UBQLN1: variants seen among roughly 807,000 people sequenced by gnomAD.
UBQLN1 encodes ubiquilin 1.
UBQLN1 carries 13 observed loss-of-function variants against 65.4 expected under a neutral mutation model. The ratio of observed to expected loss-of-function variants is 0.20; its 90% confidence interval spans 0.13 to 0.32. UBQLN1 has a LOEUF of 0.32. Among genes scored for constraint, UBQLN1 ranks in the 10% least tolerant of loss-of-function variants. The probability of loss-of-function intolerance (pLI) is 1.00; values close to 1 mark genes in which losing one functional copy is unlikely to be tolerated. For synonymous variants in UBQLN1, 267 were observed against 247.8 expected, an observed-to-expected ratio of 1.08 and a Z score of -0.73; for missense variants, 561 against 724.0, an observed-to-expected ratio of 0.77 and a Z score of 2.58.
chr9:83,696,468 A>T (rs181782452), intron 1 of UBQLN1, among the ~76,000 whole-genome samples: 398 of 151,250 alleles, frequency 2.6e-3, no homozygotes, highest in African/African-American at 8.4e-3. Context: ...AAAAAATTTT[A>T]AAAAAAAACC....
At chr9:83,702,275 GAACTGTA>G (rs1564174203) in intron 1 of UBQLN1, among the ~76,000 whole-genome samples, 1 of 152,124 alleles carries the variant, frequency 6.6e-6, no homozygotes, top group Non-Finnish European at 1.5e-5. Flanking sequence ...TTAAAATGGT[GAACTGTA>G]TGGTAGGCAA....
Position 83,665,083 on chromosome 9 carries a change from C to T in UBQLN1, c.1395G>A (p.Gln465=). The change falls in exon 9 of 11, where the codon CAG becomes CAA. Residue 465 remains glutamine, a synonymous_variant. Coordinates refer to ENST00000376395, the MANE Select transcript of UBQLN1 (RefSeq NM_013438.5). ...SNPRAMQALL[Q]IQQGLQTLAT... is the part of the protein sequence containing the mutation. ...CTAATGTCTGTAAACCCTGCTGAAT[C>T]TGTAACAAGGCCTGCATTGCTCTAG... 1.9e-6 allele frequency: 3 copies of T among 1,614,018 alleles called. No homozygotes were observed. The highest frequency in any genetic ancestry group is 2.5e-6 in the Non-Finnish European group (3 of 1,179,972).
chr9:83,673,445 T>C (rs1445291868), intron 6 of UBQLN1, among the ~76,000 whole-genome samples: 2 of 149,458 alleles, frequency 1.3e-5, no homozygotes, highest in Middle Eastern at 3.5e-3. Context: ...CTCAGGAGGC[T>C]GAGGCACGAG....
In UBQLN1 at chr9:83,707,648, G is replaced by C; in HGVS notation, c.32C>G (p.Pro11Arg). 1.3e-6 allele frequency: 2 copies of C among 1,565,106 alleles called. No individual in the cohort carries two copies. The highest frequency in any genetic ancestry group is 2.4e-5 in the East Asian group (1 of 42,376). ...TCCGGCGGCGCTATCCTGGGAGCCC[G>C]GAGGACCGCCGCTTTCACCACTCTC... is the stretch of plus-strand genomic sequence containing the variant. MAESGESGGP[P>R]GSQDSAAGAE... Residue 11 changes from proline (P) to arginine (R), a missense_variant, in exon 1 of 11, where the codon CCG becomes CGG. Pro to Arg is a moderately radical substitution (Grantham distance 103, BLOSUM62 -2). This residue lies in a region of UBQLN1 where 101 missense variants were observed against 104.9 expected (regional missense o/e 0.96). Transcript: ENST00000376395.
intron 1 of UBQLN1, among the ~76,000 whole-genome samples, chr9:83,696,901 G>A (rs976932212): frequency 2.0e-5 from 3 of 152,114 alleles, no homozygotes; most frequent in Non-Finnish European, 4.4e-5. Context: ...ATCTGACATA[G>A]ACTGATGAGT....
intron 10 of UBQLN1, among the ~76,000 whole-genome samples, chr9:83,663,366 G>A (rs1831592374): frequency 6.6e-6 from 1 of 151,970 alleles, no homozygotes. Flanking sequence ...ACATTATTAG[G>A]GGGTCCATAT....
rs369266095 is a variant in UBQLN1 at position 83,670,809 on chromosome 9, G to A, written c.1106-1482C>T. 6.0e-4 allele frequency among the ~76,000 whole-genome samples: 91 copies of A among 152,194 alleles called. 1 individual carries two copies. The highest frequency in any genetic ancestry group is 3.4e-3 in the Middle Eastern group (1 of 294). On this transcript the variant is annotated intron_variant, in intron 6 of 10. Coordinates refer to ENST00000376395, the MANE Select transcript of UBQLN1 (RefSeq NM_013438.5). Reference sequence around the variant, plus strand: ...AAAGTTTATGAAACATTCTGAATTCGTTGTCATTTCAATAATGTTCACAGC... The same window carrying A: ...AAAGTTTATGAAACATTCTGAATTCATTGTCATTTCAATAATGTTCACAGC...
At chr9:83,688,193 A>G (rs916536878) in intron 1 of UBQLN1, among the ~76,000 whole-genome samples, 4 of 152,218 alleles carry the variant, frequency 2.6e-5, no homozygotes, top group African/African-American at 9.7e-5. Flanking sequence ...AGTAGTCAAT[A>G]AATGGTAGCT....
At chr9:83,678,408 T>C in intron 5 of UBQLN1, 33 bp downstream of exon 5, 1 of 1,585,220 alleles carries the variant, frequency 6.3e-7, no homozygotes, top group Non-Finnish European at 8.6e-7. Context: ...CAGAAGCTAC[T>C]CCTTGGCCTG....
intron 6 of UBQLN1, among the ~76,000 whole-genome samples, chr9:83,672,488 T>A (rs376521304): frequency 1.3e-5 from 2 of 152,182 alleles, no homozygotes; most frequent in African/African-American, 4.8e-5. Flanking sequence ...ATTTCAATGT[T>A]GTGTCTCAGA....
intron 1 of UBQLN1, among the ~76,000 whole-genome samples, chr9:83,689,198 T>C (rs1832088041): frequency 6.6e-6 from 1 of 152,258 alleles, no homozygotes; most frequent in South Asian, 2.1e-4. Flanking sequence ...TAGCTTCTTA[T>C]ACTTGGCATG....
chr9:83,664,876 G>A (rs900724381), intron 9 of UBQLN1, among the ~76,000 whole-genome samples, 154 bp downstream of exon 9: 2 of 124,534 alleles, frequency 1.6e-5, no homozygotes, highest in Non-Finnish European at 1.6e-5. Context: ...CCACAACTGC[G>A]CCCCCACACT....
At chr9:83,696,063 T>C (rs1832209947) in intron 1 of UBQLN1, among the ~76,000 whole-genome samples, 1 of 152,086 alleles carries the variant, frequency 6.6e-6, no homozygotes, top group East Asian at 1.9e-4. Context: ...CCTCAGCCTC[T>C]CCAGTAGCTG....
At chr9:83,706,713 T>C (rs1172183447) in intron 1 of UBQLN1, among the ~76,000 whole-genome samples, 2 of 152,222 alleles carry the variant, frequency 1.3e-5, no homozygotes, top group East Asian at 1.9e-4. Context: ...GTTTAAGTAA[T>C]ATTCTGCATT....
chr9:83,672,090 G>T (rs982801205), intron 6 of UBQLN1, among the ~76,000 whole-genome samples: 3 of 152,184 alleles, frequency 2.0e-5, no homozygotes, highest in Non-Finnish European at 4.4e-5. Context: ...TTCTTCTGCA[G>T]ATTCCTTACC....
intron 6 of UBQLN1, among the ~76,000 whole-genome samples, chr9:83,674,443 C>G (rs1831795267): frequency 6.6e-6 from 1 of 152,112 alleles, no homozygotes; most frequent in African/African-American, 2.4e-5. Flanking sequence ...AATGAAATAT[C>G]TCATCATAGC....
intron 9 of UBQLN1, among the ~76,000 whole-genome samples, chr9:83,664,587 T>TAATAAATA (rs1831612603): frequency 6.6e-6 from 1 of 151,714 alleles, no homozygotes; most frequent in Admixed American, 6.6e-5. Flanking sequence ...ACCGATCTCT[T>TAATAAATA]AATAAATAAA....
chr9:83,705,122 A>C (rs1832377094), intron 1 of UBQLN1, among the ~76,000 whole-genome samples: 1 of 152,214 alleles, frequency 6.6e-6, no homozygotes, highest in Non-Finnish European at 1.5e-5. Flanking sequence ...AAAATTACAG[A>C]GACTGACAAT....
chr9:83,676,267 T>G (rs1309143872), intron 6 of UBQLN1, among the ~76,000 whole-genome samples: 2 of 152,254 alleles, frequency 1.3e-5, no homozygotes, highest in Non-Finnish European at 2.9e-5. Flanking sequence ...TTGTTTTCCC[T>G]TGATGGAAAT....
Sources: allele counts gnomAD v4.1 joint callset (sites outside exome capture counted in the v4.1 genomes callset), GRCh38; gene constraint gnomAD v4.1.1; regional missense constraint gnomAD v4.1.1; transcripts MANE v1.5; gene names NCBI Gene and HGNC (gene_info 2026-07-23, HGNC 2026-07-21).